Variants in TRPM3 observed in about 807,000 individuals in gnomAD.
TRPM3 encodes the protein transient receptor potential cation channel subfamily M member 3, also known as long transient receptor potential channel 3.
TRPM3 carries 77 observed loss-of-function variants against 181.2 expected under a neutral mutation model. The ratio of observed to expected loss-of-function variants is 0.42; its 90% confidence interval spans 0.35 to 0.51. The LOEUF is 0.51. Ranked by LOEUF, TRPM3 falls within the 20% of genes least tolerant of loss-of-function variation. TRPM3 has a pLI of 0.01. For synonymous variants in TRPM3, 745 were observed against 796.4 expected, an observed-to-expected ratio of 0.94 and a Z score of 1.09; for missense variants, 1,759 against 2,196.7, an observed-to-expected ratio of 0.80 and a Z score of 3.98.
chr9:71,356,186 C>T (rs975550495), intron 1 of TRPM3, among the ~76,000 whole-genome samples: 6 of 152,178 alleles, frequency 3.9e-5, no homozygotes, highest in South Asian at 4.1e-4. Flanking sequence ...ATGCTTTTAA[C>T]GGAATTTTTT....
At position 71,346,900 on chromosome 9, in the gene TRPM3, C is replaced by T. The variant is rs575172236; in HGVS notation, c.183+99753G>A. Among the ~76,000 whole-genome samples, 1,269 of 144,646 alleles carry T rather than the reference C, an allele frequency of 8.8e-3. 14 individuals are homozygous for T. The highest frequency in any genetic ancestry group is 0.028 in the African/African-American group (1,118 of 39,258). The allele number at this position is 144,646 out of a possible 152,430, so 94.9% of individuals were successfully genotyped here. A position where few individuals can be genotyped will look rare whatever the true frequency, so the allele number is the denominator to read the frequency against. Reference sequence around the variant, plus strand: ...TCGTATTTTTATTTTCTGGGCAGCACGGATAGTCAGGATACAACATTGCTC... The same window carrying T: ...TCGTATTTTTATTTTCTGGGCAGCATGGATAGTCAGGATACAACATTGCTC... On this transcript the variant is annotated intron_variant, in intron 1 of 24. Transcript: ENST00000357533.
At chr9:70,962,710 A>G (rs1369014704) in intron 1 of TRPM3, among the ~76,000 whole-genome samples, 1 of 152,172 alleles carries the variant, frequency 6.6e-6, no homozygotes, top group Non-Finnish European at 1.5e-5. Flanking sequence ...GACAAACAAC[A>G]ATATAATATA....
At chr9:71,123,254 G>T (rs536073905), upstream of TRPM3, among the ~76,000 whole-genome samples, 1 of 152,260 alleles carries the variant, frequency 6.6e-6, no homozygotes, top group South Asian at 2.1e-4. Context: ...AAGAAGAAAC[G>T]CTCAGCATTT....
chr9:70,894,376 C>T (rs1406379791), intron 1 of TRPM3, among the ~76,000 whole-genome samples: 6 of 152,112 alleles, frequency 3.9e-5, no homozygotes, highest in African/African-American at 1.4e-4. Flanking sequence ...GCCCAAGGGA[C>T]CATCGGGCAT....
chr9:71,111,475 G>A (rs1437966020), intron 1 of TRPM3, among the ~76,000 whole-genome samples: 1 of 152,094 alleles, frequency 6.6e-6, no homozygotes, highest in Non-Finnish European at 1.5e-5. Flanking sequence ...GGATGGCATC[G>A]CGGGGGTTGG....
At chr9:71,291,081 T>C (rs527814692) in intron 1 of TRPM3, among the ~76,000 whole-genome samples, 5 of 152,230 alleles carry the variant, frequency 3.3e-5, no homozygotes, top group African/African-American at 1.2e-4. Context: ...GAAAAGACTA[T>C]TAAATAAAAC....
rs117248507 is a variant in TRPM3, at chr9:70,875,499, T to C, written c.178-10988A>G. On this transcript the variant is annotated intron_variant, in intron 1 of 25. Coordinates refer to ENST00000677713, the MANE Select transcript of TRPM3 (RefSeq NM_001366145.2). Reference sequence around the variant, plus strand: ...ATTCCTGAAATAATTCTCACCAGACTCCAATCATCCTTAAGAATGCCCTGG... The same window carrying C: ...ATTCCTGAAATAATTCTCACCAGACCCCAATCATCCTTAAGAATGCCCTGG... Among the ~76,000 whole-genome samples the C allele has an allele frequency of 1.8e-3, 278 of 152,010 alleles. 9 individuals carry two copies. In the East Asian group the frequency reaches 0.047, roughly 25 times the overall value.
At chr9:71,137,277 G>T (rs1242275798) in intron 1 of TRPM3, among the ~76,000 whole-genome samples, 1 of 152,136 alleles carries the variant, frequency 6.6e-6, no homozygotes, top group Admixed American at 6.5e-5. Context: ...TCATTTTCAT[G>T]ACCTCAACCT....
intron 1 of TRPM3, among the ~76,000 whole-genome samples, chr9:70,998,222 T>C (rs1386969643): frequency 7.2e-6 from 1 of 138,584 alleles, no homozygotes; most frequent in African/African-American, 2.6e-5. Flanking sequence ...CACATATATA[T>C]ACATATACAC....
intron 1 of TRPM3, among the ~76,000 whole-genome samples, chr9:70,931,506 G>C (rs2096774858): frequency 6.6e-6 from 1 of 151,838 alleles, no homozygotes; most frequent in African/African-American, 2.4e-5. Context: ...ATACCCACCA[G>C]CTTCCTAATA....
intron 1 of TRPM3, among the ~76,000 whole-genome samples, chr9:71,337,424 C>A (rs2090636203): frequency 6.6e-6 from 1 of 152,128 alleles, no homozygotes; most frequent in African/African-American, 2.4e-5. Context: ...AGTCAGGAAG[C>A]AACAGATGCT....
chr9:70,689,653 G>A (rs1470855509), intron 8 of TRPM3, among the ~76,000 whole-genome samples: 1 of 151,988 alleles, frequency 6.6e-6, no homozygotes, highest in African/African-American at 2.4e-5. Flanking sequence ...TGATATGAGT[G>A]TGACATTTTT....
chr9:71,250,407 A>G (rs899041095), intron 1 of TRPM3, among the ~76,000 whole-genome samples: 2 of 152,062 alleles, frequency 1.3e-5, no homozygotes, highest in African/African-American at 4.8e-5. Flanking sequence ...TTATTTTTGG[A>G]CCATCTTCGT....
At chr9:71,214,825 T>A (rs1282947401) in intron 1 of TRPM3, among the ~76,000 whole-genome samples, 1 of 152,102 alleles carries the variant, frequency 6.6e-6, no homozygotes, top group Non-Finnish European at 1.5e-5. Flanking sequence ...TGTAACCCCC[T>A]TCCCCATCCT....
At chr9:70,937,719 A>T (rs2096842425) in intron 1 of TRPM3, among the ~76,000 whole-genome samples, 1 of 152,108 alleles carries the variant, frequency 6.6e-6, no homozygotes, top group Non-Finnish European at 1.5e-5. Flanking sequence ...AGAGAAGTGG[A>T]TGTTTAACTG....
chr9:70,892,097 A>G (rs543194331), intron 1 of TRPM3, among the ~76,000 whole-genome samples: 1 of 152,344 alleles, frequency 6.6e-6, no homozygotes, highest in Non-Finnish European at 1.5e-5. Context: ...GGGAAAAAGG[A>G]AAGAGATACT....
chr9:71,030,816 C>A (rs2057201407), intron 1 of TRPM3, among the ~76,000 whole-genome samples: 1 of 152,096 alleles, frequency 6.6e-6, no homozygotes, highest in Admixed American at 6.5e-5. Context: ...GCTACAAAGA[C>A]TAACTAAATT....
At chr9:71,061,647 T>A (rs1287328383) in intron 1 of TRPM3, among the ~76,000 whole-genome samples, 1 of 152,076 alleles carries the variant, frequency 6.6e-6, no homozygotes, top group Non-Finnish European at 1.5e-5. Context: ...AGGTACTCAG[T>A]CTCTAGTGAG....
chr9:70,573,916 G>C (rs1023603626), intron 22 of TRPM3, among the ~76,000 whole-genome samples: 10 of 150,194 alleles, frequency 6.7e-5, no homozygotes, highest in Admixed American at 3.3e-4. Context: ...CCTCAAAAAG[G>C]GTTCTGGTAA....
Sources: gnomAD v4.1 joint callset for allele counts (sites outside exome capture counted in the v4.1 genomes callset) on GRCh38, gnomAD v4.1.1 for gene constraint, MANE v1.5 for transcripts, NCBI Gene and HGNC (gene_info 2026-07-23, HGNC 2026-07-21) for gene names.